Variants in MYT1L observed in about 807,000 individuals in gnomAD.
The protein encoded by MYT1L is myelin transcription factor 1-like protein.
Under a neutral mutation model 126.7 loss-of-function variants are expected in MYT1L, and 12 were observed. That is an observed-to-expected ratio of 0.09 (90% CI 0.06 to 0.15). The LOEUF is 0.15. Among genes scored for constraint, MYT1L ranks in the 10% least tolerant of loss-of-function variants. The pLI is 1.00. For missense variants in MYT1L, 979 were observed against 1,585.2 expected (o/e 0.62, Z 6.49); for synonymous variants, 541 against 604.2 (o/e 0.90, Z 1.53).
chr2:1,886,544 T>A lies in MYT1L; in HGVS notation c.2706A>T (p.Glu902Asp). 3 of 1,576,830 alleles carry A rather than the reference T, an allele frequency of 1.9e-6. No homozygotes were observed. In the South Asian group the frequency reaches 3.5e-5, roughly 19 times the overall value. ...IRSMLATSSQ[E>D]LKCPTPGCDG... Reference sequence around the variant, plus strand: ...TTATTGTCATTAAATCTTACTTGAGTTCTTGGGAGCTGGTGGCCAGCATAC... The same window carrying A: ...TTATTGTCATTAAATCTTACTTGAGATCTTGGGAGCTGGTGGCCAGCATAC... Residue 902 changes from glutamate to aspartate, a missense_variant, in exon 18 of 25, where the codon GAA becomes GAT. Glu to Asp is a conservative substitution (Grantham distance 45). This residue lies in a region of MYT1L where 179 missense variants were observed against 398.6 expected (regional missense o/e 0.45). Transcript: ENST00000647738.
intron 23 of MYT1L, among the ~76,000 whole-genome samples, chr2:1,798,908 G>T (rs1387522844): frequency 6.6e-6 from 1 of 152,190 alleles, no homozygotes; most frequent in Non-Finnish European, 1.5e-5. Context: ...TTGTTTTCTG[G>T]TAAGTTTTGC....
intron 3 of MYT1L, among the ~76,000 whole-genome samples, chr2:2,060,362 A>C (rs1361119595): frequency 6.6e-6 from 1 of 152,226 alleles, no homozygotes; most frequent in Non-Finnish European, 1.5e-5. Flanking sequence ...ATATATGAAA[A>C]AGATTTTTAC....
chr2:2,156,666 T>C (rs1052372984), intron 3 of MYT1L, among the ~76,000 whole-genome samples: 9 of 152,170 alleles, frequency 5.9e-5, no homozygotes, highest in African/African-American at 1.7e-4. Flanking sequence ...TACGCTTACG[T>C]TGGCAGAGGT....
intron 3 of MYT1L, among the ~76,000 whole-genome samples, chr2:2,086,592 C>G (rs1210555679): frequency 6.6e-6 from 1 of 152,166 alleles, no homozygotes; most frequent in Non-Finnish European, 1.5e-5. Context: ...TCCTGACAAC[C>G]TCCATGCCTT....
chr2:2,189,042 C>A (rs2092403584), intron 2 of MYT1L, among the ~76,000 whole-genome samples: 1 of 152,184 alleles, frequency 6.6e-6, no homozygotes, highest in African/African-American at 2.4e-5. Context: ...TAGCCAAGAA[C>A]ATAGCCTCCT....
chr2:1,874,161 C>A (rs1479513366), intron 18 of MYT1L, among the ~76,000 whole-genome samples: 1 of 151,156 alleles, frequency 6.6e-6, no homozygotes, highest in Non-Finnish European at 1.5e-5. Context: ...CCTCCACAAA[C>A]AACCCAGGTG....
At chr2:1,828,437 A>G (rs1250375833) in intron 21 of MYT1L, 1 of 152,176 alleles carries the variant, frequency 6.6e-6, no homozygotes, top group African/African-American at 2.4e-5. Context: ...TCCAGACCCT[A>G]AACACCTCCC....
At chr2:2,060,365 A>T (rs2070236437) in intron 3 of MYT1L, among the ~76,000 whole-genome samples, 1 of 152,208 alleles carries the variant, frequency 6.6e-6, no homozygotes, top group Non-Finnish European at 1.5e-5. Flanking sequence ...TATGAAAAAG[A>T]TTTTTACTTT....
intron 4 of MYT1L, among the ~76,000 whole-genome samples, chr2:2,048,090 A>C (rs2068405611): frequency 6.6e-6 from 1 of 152,150 alleles, no homozygotes; most frequent in East Asian, 1.9e-4. Context: ...CTGTGCACCA[A>C]GCACCTCCTC....
intron 3 of MYT1L, among the ~76,000 whole-genome samples, chr2:2,120,864 A>G (rs1020601238): frequency 2.0e-5 from 3 of 151,912 alleles, no homozygotes; most frequent in African/African-American, 7.3e-5. Flanking sequence ...GAAGATTCCT[A>G]CCAGCTGTCC....
At position 1,918,270 on chromosome 2, in the gene MYT1L, T is replaced by G. The variant is rs2053130882; in HGVS notation, c.1484-931A>C. On this transcript the variant is annotated intron_variant, in intron 10 of 24. Coordinates refer to ENST00000647738, the MANE Select transcript of MYT1L (RefSeq NM_001303052.2). ...GTTCATAAATATGCAATATAATAAC[T>G]TCAGATAATATTTCTAAAGTAAAGC... Among the ~76,000 whole-genome samples, 3 of 152,318 alleles carry G rather than the reference T, an allele frequency of 2.0e-5. No homozygotes were observed. In the South Asian group the frequency reaches 6.2e-4, roughly 32 times the overall value.
rs183421849 is a variant in MYT1L, at chr2:2,030,202, A to T, written c.-158+23776T>A. 7.3e-3 allele frequency among the ~76,000 whole-genome samples: 1,118 copies of T among 152,256 alleles called. 7 individuals carry two copies. The highest frequency in any genetic ancestry group is 0.024 in the Middle Eastern group (7 of 294). On this transcript the variant is annotated intron_variant, in intron 4 of 24. Coordinates refer to ENST00000647738, the MANE Select transcript of MYT1L (RefSeq NM_001303052.2). ...AACCTGTGCCTCCTGGGTTCAAGTG[A>T]TTCTCCTGCCTCAGCCTCCCGAGTA...
chr2:1,836,238 C>A (rs1033618537), intron 21 of MYT1L, among the ~76,000 whole-genome samples: 4 of 151,914 alleles, frequency 2.6e-5, no homozygotes, highest in Non-Finnish European at 5.9e-5. Flanking sequence ...AGTATTCTTG[C>A]ACCCCAATAT....
At chr2:1,862,835 T>A (rs186572344) in intron 18 of MYT1L, among the ~76,000 whole-genome samples, 60 of 152,058 alleles carry the variant, frequency 3.9e-4, no homozygotes, top group African/African-American at 1.4e-3. Context: ...GAGAATTGGC[T>A]GAGTGGACAG....
chr2:1,799,920 T>G (rs2034512858), intron 23 of MYT1L, among the ~76,000 whole-genome samples: 1 of 152,132 alleles, frequency 6.6e-6, no homozygotes, highest in African/African-American at 2.4e-5. Flanking sequence ...TGCTTGCACT[T>G]CTCCTTCCTG....
chr2:2,323,486 T>C (rs1306878515), intron 1 of MYT1L, among the ~76,000 whole-genome samples: 1 of 152,176 alleles, frequency 6.6e-6, no homozygotes, highest in Non-Finnish European at 1.5e-5. Flanking sequence ...TTCGGGAGAA[T>C]AGGAATTATT....
At chr2:2,211,997 T>G (rs539520058) in intron 2 of MYT1L, among the ~76,000 whole-genome samples, 1 of 152,200 alleles carries the variant, frequency 6.6e-6, no homozygotes, top group East Asian at 1.9e-4. Context: ...CAGAGCAGAA[T>G]GCCAAATGCC....
intron 14 of MYT1L, among the ~76,000 whole-genome samples, chr2:1,895,691 A>G (rs2049476161): frequency 6.6e-6 from 1 of 152,252 alleles, no homozygotes; most frequent in African/African-American, 2.4e-5. Flanking sequence ...AATTAACAAG[A>G]TGGATTAAAG....
chr2:2,306,411 C>T (rs2095859743), intron 1 of MYT1L, among the ~76,000 whole-genome samples: 1 of 152,018 alleles, frequency 6.6e-6, no homozygotes, highest in African/African-American at 2.4e-5. Flanking sequence ...TGTAGAATCC[C>T]AAGGTTTTCA....
Sources: gnomAD v4.1 joint callset for allele counts (sites outside exome capture counted in the v4.1 genomes callset) on GRCh38, gnomAD v4.1.1 for gene constraint, gnomAD v4.1.1 regional missense constraint, MANE v1.5 for transcripts, NCBI Gene and HGNC (gene_info 2026-07-23, HGNC 2026-07-21) for gene names.